The following ARFIP1 variants were observed in gnomAD, a reference collection of about 807,000 sequenced individuals.
The protein encoded by ARFIP1 is arfaptin-1.
ARFIP1 carries 24 observed loss-of-function variants against 42.5 expected under a neutral mutation model. That is an observed-to-expected ratio of 0.57 (90% CI 0.41 to 0.80). The LOEUF is 0.80. Among genes scored for constraint, ARFIP1 ranks in the 30% least tolerant of loss-of-function variants. The probability of loss-of-function intolerance (pLI) is 0.00; values close to 1 mark genes in which losing one functional copy is unlikely to be tolerated. For synonymous variants in ARFIP1, 141 were observed against 153.7 expected, an observed-to-expected ratio of 0.92 and a Z score of 0.61; for missense variants, 354 against 434.0, an observed-to-expected ratio of 0.82 and a Z score of 1.64.
intron 8 of ARFIP1, among the ~76,000 whole-genome samples, chr4:152,905,529 C>A (rs56382856): frequency 9.2e-6 from 1 of 108,626 alleles, no homozygotes; most frequent in Non-Finnish European, 1.9e-5. Context: ...GTTATTCTTA[C>A]TGAATTGTAA....
chr4:152,912,033 C>T lies in ARFIP1; in HGVS notation c.*1814C>T, dbSNP rs1738886981. The T allele has an allele frequency of 6.6e-6, 1 of 152,370 alleles. No individual in the cohort carries two copies. The highest frequency in any genetic ancestry group is 6.6e-5 in the Admixed American group (1 of 15,262). The allele number at this position is 152,370 out of a possible 1,614,324, so 9.4% of individuals were successfully genotyped here. A position where few individuals can be genotyped will look rare whatever the true frequency, so the allele number is the denominator to read the frequency against. Reference sequence around the variant, plus strand: ...TCTGTCACTTATAATTGTTTTAGCTCAGTAAGCTATTTTTTTTCAATGTGA... The same window carrying T: ...TCTGTCACTTATAATTGTTTTAGCTTAGTAAGCTATTTTTTTTCAATGTGA... On this transcript the variant is annotated 3_prime_UTR_variant, in exon 9 of 9. Transcript: ENST00000353617.
In ARFIP1 at chr4:152,894,162, C is replaced by T. The variant is rs146078715; in HGVS notation, c.966+5855C>T. Among the ~76,000 whole-genome samples the T allele has an allele frequency of 5.7e-3, 859 of 149,550 alleles. 8 individuals are homozygous for T. The highest frequency in any genetic ancestry group is 0.018 in the African/African-American group (746 of 40,580). Reference sequence around the variant, plus strand: ...GGCGGAGGTTGCAGTGAGCCGAGATCGCGCCACTACACTCCAGCCTAGATG... The same window carrying T: ...GGCGGAGGTTGCAGTGAGCCGAGATTGCGCCACTACACTCCAGCCTAGATG... On this transcript the variant is annotated intron_variant, in intron 8 of 8. Transcript: ENST00000353617.
intron 5 of ARFIP1, among the ~76,000 whole-genome samples, chr4:152,876,037 T>C (rs1177389632): frequency 6.6e-6 from 1 of 152,208 alleles, no homozygotes; most frequent in African/African-American, 2.4e-5. Flanking sequence ...TGTGGAACTG[T>C]AAGTCCAGTT....
chr4:152,791,251 C>G (rs1461074531), intron 1 of ARFIP1, among the ~76,000 whole-genome samples: 2 of 152,070 alleles, frequency 1.3e-5, no homozygotes, highest in African/African-American at 4.8e-5. Flanking sequence ...TAAGCCATTT[C>G]CATTTCTTTT....
At position 152,911,568 on chromosome 4, in the gene ARFIP1, A is replaced by T. The variant is rs914661376; in HGVS notation, c.*1349A>T. The stretch of plus-strand genomic sequence containing the variant: ...TAGTTTTTGTCATAGACATAAATTA[A>T]TATTTTGAGAGGCATCCCTCACCTG... On this transcript the variant is annotated 3_prime_UTR_variant, in exon 9 of 9. Transcript: ENST00000353617. The T allele has an allele frequency of 2.6e-5, 4 of 152,612 alleles. No individual in the cohort carries two copies. Among genetic ancestry groups the T allele is most frequent in the Non-Finnish European group, 5.9e-5 (4 of 68,022 alleles). The allele number at this position is 152,612 out of a possible 1,614,324, so 9.5% of individuals were successfully genotyped here. A position where few individuals can be genotyped will look rare whatever the true frequency, so the allele number is the denominator to read the frequency against.
In ARFIP1 at chr4:152,888,306, A is replaced by C. The variant is rs759441054; in HGVS notation, c.965A>C (p.Lys322Thr). 8 of 1,594,900 alleles carry C rather than the reference A, an allele frequency of 5.0e-6. No individual in the cohort carries two copies. The South Asian group carries it at 9.0e-5, about 18-fold the overall frequency. The change falls in exon 8 of 9, where the codon AAG (lysine) becomes ACG (threonine). Residue 322 changes from lysine to threonine, a missense_variant and splice_region_variant. Physicochemically the swap from Lys to Thr is moderately conservative, Grantham distance 78. Coordinates refer to ENST00000353617, the MANE Select transcript of ARFIP1 (RefSeq NM_001025595.3). ...AAATTGAAATTTCTAGAAGAAAATA[A>C]GGTAAATTCTTTACCTTCTAAGGTC... ...SVKLKFLEENKVKVLHNQLVL... is the reference protein window; with the variant it reads ...SVKLKFLEENTVKVLHNQLVL...
intron 2 of ARFIP1, among the ~76,000 whole-genome samples, chr4:152,853,202 T>C (rs1350293946): frequency 6.6e-6 from 1 of 152,218 alleles, no homozygotes; most frequent in African/African-American, 2.4e-5. Context: ...GGTTTGGTGG[T>C]TTTCTGTATT....
chr4:152,833,168 A>G (rs1731380573), intron 2 of ARFIP1, among the ~76,000 whole-genome samples: 1 of 152,080 alleles, frequency 6.6e-6, no homozygotes, highest in Non-Finnish European at 1.5e-5. Context: ...TATCCAAAAT[A>G]TGTAAAGAAC....
rs141344737 is a variant in ARFIP1, at chr4:152,841,299, G to T, written c.93+11573G>T. Among the ~76,000 whole-genome samples, 357 of 152,278 alleles carry T rather than the reference G, an allele frequency of 2.3e-3. 2 individuals are homozygous for T. Among genetic ancestry groups the T allele is most frequent in the African/African-American group, 8.1e-3 (337 of 41,558 alleles). On this transcript the variant is annotated intron_variant, in intron 2 of 8. Coordinates refer to ENST00000353617, the MANE Select transcript of ARFIP1 (RefSeq NM_001025595.3). Reference sequence around the variant, plus strand: ...TCCGCCCCCCTCAGCCTCCCAAAATGCTGGGATTACAGGCATGAGCCACCG... The same window carrying T: ...TCCGCCCCCCTCAGCCTCCCAAAATTCTGGGATTACAGGCATGAGCCACCG...
intron 1 of ARFIP1, chr4:152,796,624 T>C: frequency 2.2e-6 from 2 of 890,614 alleles, no homozygotes; most frequent in South Asian, 1.4e-5. Flanking sequence ...TTGTTTGGTG[T>C]TTCTCTTTTC....
intron 1 of ARFIP1, among the ~76,000 whole-genome samples, chr4:152,793,391 A>G (rs1043516735): frequency 2.0e-5 from 3 of 150,132 alleles, no homozygotes; most frequent in Non-Finnish European, 4.4e-5. Context: ...CAGAAATTTG[A>G]TTTATGTTTC....
intron 2 of ARFIP1, among the ~76,000 whole-genome samples, chr4:152,834,122 G>A (rs1731461841): frequency 6.6e-6 from 1 of 152,130 alleles, no homozygotes; most frequent in African/African-American, 2.4e-5. Context: ...CAGATCTTGT[G>A]TAAACTAACT....
intron 2 of ARFIP1, among the ~76,000 whole-genome samples, chr4:152,854,575 T>C (rs1031390982): frequency 2.1e-4 from 32 of 152,208 alleles, no homozygotes; most frequent in Admixed American, 2.1e-3. Context: ...ATATCTGGTG[T>C]AATCGTTTCT....
At chr4:152,808,291 T>TTTTTTTTTTTTTTTTTTTTTTTTTTTG (rs1729160846) in intron 1 of ARFIP1, among the ~76,000 whole-genome samples, 1 of 100,316 alleles carries the variant, frequency 1.0e-5, no homozygotes, top group Non-Finnish European at 2.0e-5. Context: ...CCATTTTTTT[T>TTTTTTTTTTTTTTTTTTTTTTTTTTTG]TTTTTTTTTT....
intron 8 of ARFIP1, among the ~76,000 whole-genome samples, chr4:152,909,784 TTTAA>T (rs1332287179): frequency 1.3e-5 from 2 of 152,220 alleles, no homozygotes; most frequent in Non-Finnish European, 2.9e-5. Context: ...TAATGATATT[TTTAA>T]TTAATCCTCT....
rs1199058604 is a variant in ARFIP1, at chr4:152,783,222, A to AT, written c.-10+2997dup. On this transcript the variant is annotated intron_variant, in intron 1 of 8. Transcript: ENST00000353617. ...ACTTGGGAGGGGCTGAGGCAGGAGAATCGCTTGAACCCAGGAGGCGGAGGC... is the reference window on the plus strand; with the variant it reads ...ACTTGGGAGGGGCTGAGGCAGGAGAATTCGCTTGAACCCAGGAGGCGGAGGC... 5.9e-5 allele frequency among the ~76,000 whole-genome samples: 9 copies of AT among 152,202 alleles called. No homozygotes were observed. The East Asian group carries it at 1.7e-3, about 29-fold the overall frequency.
At chr4:152,830,159 T>G (rs1038015988) in intron 2 of ARFIP1, among the ~76,000 whole-genome samples, 11 of 152,180 alleles carry the variant, frequency 7.2e-5, no homozygotes, top group Non-Finnish European at 1.5e-4. Context: ...AAAATGATAC[T>G]CGGGGTGCAT....
At chr4:152,804,453 T>A (rs1303650012) in intron 1 of ARFIP1, among the ~76,000 whole-genome samples, 5 of 111,590 alleles carry the variant, frequency 4.5e-5, no homozygotes, top group East Asian at 2.3e-4. Flanking sequence ...TTATATATAT[T>A]ATATATAATA....
intron 8 of ARFIP1, among the ~76,000 whole-genome samples, chr4:152,892,514 AT>A (rs1392959362): frequency 6.6e-6 from 1 of 152,192 alleles, no homozygotes; most frequent in Non-Finnish European, 1.5e-5. Flanking sequence ...AAGCTTTAGC[AT>A]TTAGTGTTTT....
Sources: allele counts gnomAD v4.1 joint callset (sites outside exome capture counted in the v4.1 genomes callset), GRCh38; gene constraint gnomAD v4.1.1; transcripts MANE v1.5; gene names NCBI Gene and HGNC (gene_info 2026-07-23, HGNC 2026-07-21).